The following SFTPA2 variants were observed in gnomAD, a reference collection of about 807,000 sequenced individuals.
The protein encoded by SFTPA2 is pulmonary surfactant-associated protein A2.
A neutral mutation model predicts 20.3 loss-of-function variants in SFTPA2; 21 were observed. The observed-to-expected ratio is 1.03, with a 90% CI of 0.73 to 1.49. The LOEUF (loss-of-function observed/expected upper bound fraction) is 1.49. Ranked by LOEUF, SFTPA2 falls within the 40% of genes most tolerant of loss-of-function variation. The pLI is 0.00. For missense variants in SFTPA2, 302 were observed against 314.8 expected, an observed-to-expected ratio of 0.96 and a Z score of 0.31; for synonymous variants, 116 against 118.7, an observed-to-expected ratio of 0.98 and a Z score of 0.15.
Position 79,557,245 on chromosome 10 carries a change from G to A in SFTPA2, c.711C>T (p.Asn237=), listed in dbSNP as rs1858838837. The A allele has an allele frequency of 6.8e-6, 11 of 1,614,116 alleles. No homozygotes were observed. Among genetic ancestry groups the A allele is most frequent in the Non-Finnish European group, 9.3e-6 (11 of 1,180,038 alleles). ...AGATGGTCAGTCGGGAGTACAGGCA[G>A]TTCCTGTCATTCCACTGCCCATCTG... The part of the protein sequence containing the change: ...MYTDGQWNDR[N]CLYSRLTICE... Residue 237 remains asparagine (N), a synonymous_variant, in exon 6 of 6, where the codon AAC becomes AAT. Transcript: ENST00000372325.
rs1434887262 is a variant in SFTPA2, at chr10:79,559,008, G to T, written c.173-3C>A. On this transcript the variant is annotated splice_polypyrimidine_tract_variant and splice_region_variant and intron_variant, in intron 3 of 5. Coordinates refer to ENST00000372325, the MANE Select transcript of SFTPA2 (RefSeq NM_001098668.4). ...TTCTCCAGGCGGACCCATGGGGCCT[G>T]CAGAGAAAAGAGACATGGATGTGTA... 1 of 1,614,172 alleles carries T rather than the reference G, an allele frequency of 6.2e-7. No homozygotes were observed. The highest frequency in any genetic ancestry group is 1.1e-5 in the South Asian group (1 of 91,086).
In SFTPA2 at chr10:79,557,223, T is replaced by C; in HGVS notation, c.733A>G (p.Ile245Val). 2 of 1,614,160 alleles carry C rather than the reference T, an allele frequency of 1.2e-6. No homozygotes were observed. The highest frequency in any genetic ancestry group is 1.7e-6 in the Non-Finnish European group (2 of 1,180,022). Reference protein sequence around the residue: ...DRNCLYSRLTICEF With the variant: ...DRNCLYSRLTVCEF Reference sequence around the variant, plus strand: ...CTAAATGCCTCTCAGAACTCACAGATGGTCAGTCGGGAGTACAGGCAGTTC... The same window carrying C: ...CTAAATGCCTCTCAGAACTCACAGACGGTCAGTCGGGAGTACAGGCAGTTC... Residue 245 changes from isoleucine (I) to valine (V), a missense_variant, in exon 6 of 6, where the codon ATC becomes GTC. Physicochemically the swap from Ile to Val is conservative, Grantham distance 29. This residue lies in a region of SFTPA2 where 264 missense variants were observed against 261.7 expected (regional missense o/e 1.01). Coordinates refer to ENST00000372325, the MANE Select transcript of SFTPA2 (RefSeq NM_001098668.4).
Position 79,557,593 on chromosome 10 carries a change from C to T in SFTPA2, c.371-8G>A, listed in dbSNP as rs1471942613. 6.3e-7 allele frequency: 1 copy of T among 1,590,618 alleles called. No individual in the cohort carries two copies. The highest frequency in any genetic ancestry group is 8.6e-7 in the Non-Finnish European group (1 of 1,164,424). On this transcript the variant is annotated splice_region_variant and splice_polypyrimidine_tract_variant and intron_variant, in intron 5 of 5. Transcript: ENST00000372325. ...AGCCCTGCAGACTGAGGGCTGAGAG[C>T]AGAGGAGTCCAGGTCAGGCCACTGA...
Position 79,557,350 on chromosome 10 carries a change from A to C in SFTPA2, c.606T>G (p.Asp202Glu). 4 of 1,611,410 alleles carry C rather than the reference A, an allele frequency of 2.5e-6. No individual in the cohort carries two copies. The highest frequency in any genetic ancestry group is 3.4e-6 in the Non-Finnish European group (4 of 1,178,248). ...GPSPGDFRYS[D>E]GTPVNYTNWY... ...AGTTGGTGTAGTTTACAGGGGTCCC[A>C]TCTGAGTAGCGGAAGTCTCCAGGGC... is the stretch of plus-strand genomic sequence containing the variant. The change falls in exon 6 of 6, where the codon GAT becomes GAG. Residue 202 changes from aspartate to glutamate, a missense_variant. Transcript: ENST00000372325.
At position 79,557,346 on chromosome 10, in the gene SFTPA2, T is replaced by C; in HGVS notation, c.610A>G (p.Thr204Ala). The change falls in exon 6 of 6, where the codon ACC becomes GCC. Residue 204 changes from threonine to alanine, a missense_variant. By Grantham distance (58) the Thr-to-Ala change is moderately conservative. This residue lies in a region of SFTPA2 where 264 missense variants were observed against 261.7 expected (regional missense o/e 1.01). Coordinates refer to ENST00000372325, the MANE Select transcript of SFTPA2 (RefSeq NM_001098668.4). ...SPGDFRYSDG[T>A]PVNYTNWYRG... ...TACCAGTTGGTGTAGTTTACAGGGGTCCCATCTGAGTAGCGGAAGTCTCCA... is the reference window on the plus strand; with the variant it reads ...TACCAGTTGGTGTAGTTTACAGGGGCCCCATCTGAGTAGCGGAAGTCTCCA... 6.2e-7 allele frequency: 1 copy of C among 1,614,064 alleles called. No homozygotes were observed. Among genetic ancestry groups the C allele is most frequent in the Non-Finnish European group, 8.5e-7 (1 of 1,179,994 alleles).
intron 3 of SFTPA2, 112 bp downstream of exon 3, chr10:79,559,200 C>T: frequency 6.5e-7 from 1 of 1,540,606 alleles, no homozygotes; most frequent in Non-Finnish European, 8.9e-7. Flanking sequence ...TCCCACCCAG[C>T]TTACTATAGC....
rs758513334 is a variant in SFTPA2 at position 79,557,474 on chromosome 10, C to T, written c.482G>A (p.Arg161His). The T allele has an allele frequency of 4.8e-5, 78 of 1,613,532 alleles. No homozygotes were observed. Among genetic ancestry groups the T allele is most frequent in the Admixed American group, 6.7e-5 (4 of 59,988 alleles). ...CTCTGGATTCCTTGGGACAGCAATG[C>T]GGCCGCCTGCTCTGGCACATGCCTC... ...IQEACARAGG[R>H]IAVPRNPEEN... The change falls in exon 6 of 6, where the codon CGC becomes CAC. Residue 161 changes from arginine (R) to histidine (H), a missense_variant. Arg to His is a conservative substitution (Grantham distance 29). This residue lies in a region of SFTPA2 where 264 missense variants were observed against 261.7 expected (regional missense o/e 1.01). Coordinates refer to ENST00000372325, the MANE Select transcript of SFTPA2 (RefSeq NM_001098668.4).
chr10:79,556,762 G>T lies in SFTPA2; in HGVS notation c.*447C>A, dbSNP rs17880770. On this transcript the variant is annotated 3_prime_UTR_variant, in exon 6 of 6. Transcript: ENST00000372325. The stretch of plus-strand genomic sequence containing the variant: ...GAAATCTGCCTCTCTCTGTCATTAT[G>T]CTTGGCCGGTACTGCTCATCCTGAT... 1,443 of 266,060 alleles carry T rather than the reference G, an allele frequency of 5.4e-3. 18 individuals carry two copies. Among genetic ancestry groups the T allele is most frequent in the African/African-American group, 0.029 (1,305 of 45,390 alleles). 16.5% of individuals were successfully genotyped at this position (266,060 alleles called of 1,614,324 possible). A position where few individuals can be genotyped will look rare whatever the true frequency, so the allele number is the denominator to read the frequency against.
chr10:79,557,907 A>G, intron 5 of SFTPA2, 145 bp downstream of exon 5: 1 of 1,381,296 alleles, frequency 7.2e-7, no homozygotes, highest in Non-Finnish European at 1.0e-6. Flanking sequence ...GGCCATTCAA[A>G]GACATCAGAA....
rs1433198528 is a variant in SFTPA2 at position 79,556,957 on chromosome 10, C to T, written c.*252G>A. Reference sequence around the variant, plus strand: ...GAGGCCTCCATCTCATGCCAAAGGCCAAGGCTAGGAGTGGCTGCCTGGGGT... The same window carrying T: ...GAGGCCTCCATCTCATGCCAAAGGCTAAGGCTAGGAGTGGCTGCCTGGGGT... On this transcript the variant is annotated 3_prime_UTR_variant, in exon 6 of 6. Transcript: ENST00000372325. 1.6e-6 allele frequency: 1 copy of T among 631,700 alleles called. No homozygotes were observed. Among genetic ancestry groups the T allele is most frequent in the Admixed American group, 3.0e-5 (1 of 33,264 alleles). The allele number at this position is 631,700 out of a possible 1,614,324, so 39.1% of individuals were successfully genotyped here. A position where few individuals can be genotyped will look rare whatever the true frequency, so the allele number is the denominator to read the frequency against.
chr10:79,559,728 C>T (rs988948372), intron 2 of SFTPA2: 10 of 1,542,562 alleles, frequency 6.5e-6, no homozygotes, highest in African/African-American at 5.5e-5. Flanking sequence ...GGTCTCAAGA[C>T]TGCTGAGGAG....
At chr10:79,558,187 G>T (rs1858917558) in intron 4 of SFTPA2, 58 bp from the exon 5 acceptor site, 1 of 1,613,044 alleles carries the variant, frequency 6.2e-7, no homozygotes, top group Non-Finnish European at 8.5e-7. Flanking sequence ...CCCACTTGCT[G>T]CCACGCAGGC....
At chr10:79,559,145 G>T in intron 3 of SFTPA2, 140 bp from the exon 4 acceptor site, 1 of 1,567,222 alleles carries the variant, frequency 6.4e-7, no homozygotes, top group African/African-American at 1.4e-5. Context: ...TCCAGGATGC[G>T]CCATCATAAG....
chr10:79,558,795 C>T (rs17881317), intron 4 of SFTPA2, 91 bp downstream of exon 4: 61,275 of 1,606,852 alleles, frequency 0.038, 1,477 homozygotes, highest in Middle Eastern at 0.098. Flanking sequence ...GGGGAACCTG[C>T]AGGGTTTGTC....
intron 1 of SFTPA2, 99 bp downstream of exon 1, chr10:79,560,265 C>T (rs1429745871): frequency 3.2e-5 from 5 of 155,116 alleles, no homozygotes; most frequent in Non-Finnish European, 5.7e-5. Context: ...TGCCCTCCTT[C>T]CCAACCTGGG....
At position 79,557,540 on chromosome 10, in the gene SFTPA2, A is replaced by C. The variant is rs759453700; in HGVS notation, c.416T>G (p.Phe139Cys). The change falls in exon 6 of 6, where the codon TTC becomes TGC. Residue 139 changes from phenylalanine (F) to cysteine (C), a missense_variant. Phe to Cys is a radical substitution (Grantham distance 205). Coordinates refer to ENST00000372325, the MANE Select transcript of SFTPA2 (RefSeq NM_001098668.4). ...GSIMTVGEKV[F>C]SSNGQSITFD... Reference sequence around the variant, plus strand: ...AGTGATGGACTGCCCATTGCTGGAGAAGACCTTCTCTCCTACTGTCATTAT... The same window carrying C: ...AGTGATGGACTGCCCATTGCTGGAGCAGACCTTCTCTCCTACTGTCATTAT... The C allele has an allele frequency of 6.2e-7, 1 of 1,612,724 alleles. No homozygotes were observed. The highest frequency in any genetic ancestry group is 1.7e-5 in the Admixed American group (1 of 59,988).
intron 4 of SFTPA2, 32 bp from the exon 5 acceptor site, chr10:79,558,161 C>T: frequency 6.2e-7 from 1 of 1,613,900 alleles, no homozygotes. Context: ...GAAGGAGGGG[C>T]AGGCCAGTGA....
Position 79,558,108 on chromosome 10 carries a change from T to G in SFTPA2, c.314A>C (p.Glu105Ala), listed in dbSNP as rs146484851. 6.7e-4 allele frequency: 1,075 copies of G among 1,614,020 alleles called. 7 individuals carry two copies. In the African/African-American group the frequency reaches 0.013, roughly 19 times the overall value. ...GPPGLPAHLDEELQATLHDFR... is the reference protein window; with the variant it reads ...GPPGLPAHLDAELQATLHDFR... ...GTCGTGGAGTGTGGCTTGGAGCTCC[T>G]CATCTAGATGAGCTGGAAGCCCTGT... Residue 105 changes from glutamate (E) to alanine (A), a missense_variant, in exon 5 of 6, where the codon GAG (glutamate) becomes GCG (alanine). Around this residue, in one of 3 missense-constraint regions of SFTPA2, gnomAD observed 264 missense variants for 261.7 expected, o/e 1.01. Coordinates refer to ENST00000372325, the MANE Select transcript of SFTPA2 (RefSeq NM_001098668.4).
At chr10:79,557,679 C>T in intron 5 of SFTPA2, 94 bp from the exon 6 acceptor site, 2 of 1,577,078 alleles carry the variant, frequency 1.3e-6, no homozygotes, top group Non-Finnish European at 1.7e-6. Context: ...TCTCCCCAGT[C>T]TCTCCATCTC....
Sources: allele counts gnomAD v4.1 joint callset, GRCh38; gene constraint gnomAD v4.1.1; regional missense constraint gnomAD v4.1.1; transcripts MANE v1.5; gene names NCBI Gene and HGNC (gene_info 2026-07-23, HGNC 2026-07-21).